The following FBXO7 variants were observed in gnomAD, a reference collection of about 807,000 sequenced individuals.
The protein encoded by FBXO7 is F-box protein 7.
A neutral mutation model predicts 50.2 loss-of-function variants in FBXO7; 31 were observed. The ratio of observed to expected loss-of-function variants is 0.62; its 90% confidence interval spans 0.46 to 0.83. The LOEUF (loss-of-function observed/expected upper bound fraction) is 0.83. Ranked by LOEUF, FBXO7 falls within the 40% of genes least tolerant of loss-of-function variation. The pLI is 0.00. For synonymous variants in FBXO7, 256 were observed against 253.1 expected (o/e 1.01, Z -0.11); for missense variants, 667 against 646.6 (o/e 1.03, Z -0.34).
chr22:32,487,357 A>G (rs4821066), intron 4 of FBXO7: 113,227 of 179,678 alleles, frequency 0.63, 35,931 homozygotes, highest in East Asian at 0.7. Flanking sequence ...TAATGAACAA[A>G]GGAAGACTCA....
At position 32,490,700 on chromosome 22, in the gene FBXO7, T is replaced by TA. The variant is rs1383398796; in HGVS notation, c.872-383dup. On this transcript the variant is annotated intron_variant, in intron 5 of 8. Coordinates refer to ENST00000266087, the MANE Select transcript of FBXO7 (RefSeq NM_012179.4). ...GTGCTGATACATAGTCATCATGCGA[T>TA]AAATGCTATTAATTTACCAGGTTCT... 46 of 179,196 alleles carry TA rather than the reference T, an allele frequency of 2.6e-4. No homozygotes were observed. The South Asian group carries it at 2.9e-3, about 11-fold the overall frequency. The allele number at this position is 179,196 out of a possible 1,614,324, so 11.1% of individuals were successfully genotyped here.
chr22:32,484,991 G>C, intron 3 of FBXO7, 77 bp from the exon 4 acceptor site: 2 of 1,566,408 alleles, frequency 1.3e-6, no homozygotes, highest in Non-Finnish European at 1.8e-6. Flanking sequence ...AACAAGTTAG[G>C]AGTCTTTTGG....
At chr22:32,476,936 G>A (rs1429979666) in intron 1 of FBXO7, among the ~76,000 whole-genome samples, 1 of 152,010 alleles carries the variant, frequency 6.6e-6, no homozygotes, top group African/African-American at 2.4e-5. Flanking sequence ...TTTATTAAGC[G>A]GACCATGACC....
intron 7 of FBXO7, 125 bp from the exon 8 acceptor site, chr22:32,495,368 G>GC: frequency 2.0e-6 from 1 of 502,766 alleles, no homozygotes. Flanking sequence ...TAAATGGTTA[G>GC]TTTTTTTTTT....
At chr22:32,491,417 G>A in intron 6 of FBXO7, 1 of 450,482 alleles carries the variant, frequency 2.2e-6, no homozygotes. Context: ...TTGTTGATAT[G>A]ATTTCTTTCC....
chr22:32,498,738 T>C lies in FBXO7; in HGVS notation c.*208T>C. ...GTGACAAGGTTGGCCTTGGGAATAG[T>C]TGGCTGCCAATCTCCCTGCTCTTGG... On this transcript the variant is annotated 3_prime_UTR_variant, in exon 9 of 9. Transcript: ENST00000266087. The C allele has an allele frequency of 1.6e-6, 1 of 611,796 alleles. No individual in the cohort carries two copies. The allele number at this position is 611,796 out of a possible 1,614,324, so 37.9% of individuals were successfully genotyped here. A position where few individuals can be genotyped will look rare whatever the true frequency, so the allele number is the denominator to read the frequency against.
At chr22:32,484,764 A>G (rs1370715846) in intron 3 of FBXO7, among the ~76,000 whole-genome samples, 1 of 152,224 alleles carries the variant, frequency 6.6e-6, no homozygotes, top group Non-Finnish European at 1.5e-5. Flanking sequence ...AGTTTTAAAT[A>G]ATCATATGGC....
At chr22:32,482,362 C>T (rs1437870179) in intron 2 of FBXO7, among the ~76,000 whole-genome samples, 1 of 152,200 alleles carries the variant, frequency 6.6e-6, no homozygotes, top group Non-Finnish European at 1.5e-5. Flanking sequence ...TCCATTTCTC[C>T]AACCTTTTAC....
At chr22:32,483,330 T>A (rs6518785) in intron 2 of FBXO7, among the ~76,000 whole-genome samples, 12,133 of 152,300 alleles carry the variant, frequency 0.08, 572 homozygotes, top group Non-Finnish European at 0.1. Context: ...CACCACCTTT[T>A]TTCCTAAGAA....
At position 32,491,512 on chromosome 22, in the gene FBXO7, A is replaced by G. The variant is rs1035314473; in HGVS notation, c.967+331A>G. The G allele has an allele frequency of 5.1e-5, 12 of 236,784 alleles. No individual in the cohort carries two copies. The South Asian group carries it at 6.9e-4, about 14-fold the overall frequency. 14.7% of individuals were successfully genotyped at this position (236,784 alleles called of 1,614,324 possible). A position where few individuals can be genotyped will look rare whatever the true frequency, so the allele number is the denominator to read the frequency against. ...TCTAGCATGAGGTCAGGTACATAAT[A>G]GATGCTCTTTCTCTCTGTGTAGATA... On this transcript the variant is annotated intron_variant, in intron 6 of 8. Transcript: ENST00000266087.
At position 32,475,006 on chromosome 22, in the gene FBXO7, A is replaced by C. The variant is rs1445305869; in HGVS notation, c.4A>C (p.Arg2=). 25 of 1,536,410 alleles carry C rather than the reference A, an allele frequency of 1.6e-5. No individual in the cohort carries two copies. Among genetic ancestry groups the C allele is most frequent in the Non-Finnish European group, 2.1e-5 (24 of 1,144,382 alleles). The part of the protein sequence containing the change: M[R]LRVRLLKRTW... ...CCTCGGGCCGCCTGCCGCCGTCATGAGGCTGCGGGTGCGGCTTCTGAAGCG... is the reference window on the plus strand; with the variant it reads ...CCTCGGGCCGCCTGCCGCCGTCATGCGGCTGCGGGTGCGGCTTCTGAAGCG... Residue 2 remains arginine, a synonymous_variant, in exon 1 of 9, where the codon AGG becomes CGG. Transcript: ENST00000266087.
At chr22:32,485,937 T>C (rs1450366850) in intron 4 of FBXO7, among the ~76,000 whole-genome samples, 1 of 152,218 alleles carries the variant, frequency 6.6e-6, no homozygotes, top group Non-Finnish European at 1.5e-5. Context: ...TTGTTCTGTT[T>C]TGTTTTTTGA....
At chr22:32,477,709 C>T (rs1395653665) in intron 1 of FBXO7, among the ~76,000 whole-genome samples, 1 of 152,258 alleles carries the variant, frequency 6.6e-6, no homozygotes, top group Middle Eastern at 3.4e-3. Flanking sequence ...TCTGGTTTTT[C>T]GGAACCATTA....
chr22:32,492,763 G>A (rs553388267), intron 6 of FBXO7: 346 of 280,182 alleles, frequency 1.2e-3, no homozygotes, highest in Non-Finnish European at 2.0e-3. Context: ...TTCTGTAGTT[G>A]AATGAAGAAA....
At chr22:32,479,367 A>G in intron 2 of FBXO7, 92 bp downstream of exon 2, 2 of 1,182,602 alleles carry the variant, frequency 1.7e-6, no homozygotes, top group African/African-American at 1.5e-5. Context: ...GATAATTATC[A>G]TCGATAGATT....
intron 8 of FBXO7, 65 bp from the exon 9 acceptor site, chr22:32,498,079 G>C (rs2057587018): frequency 1.3e-6 from 2 of 1,553,568 alleles, no homozygotes; most frequent in Non-Finnish European, 1.8e-6. Flanking sequence ...AAGCAAATTA[G>C]AACTAAAGGG....
At chr22:32,493,427 C>T in intron 7 of FBXO7, 146 bp downstream of exon 7, 2 of 713,286 alleles carry the variant, frequency 2.8e-6, no homozygotes, top group Admixed American at 4.4e-5. Context: ...GCTTCATATA[C>T]CTGTGCCTGT....
Position 32,498,797 on chromosome 22 carries a change from T to A in FBXO7, c.*267T>A, listed in dbSNP as rs980923234. 3.9e-6 allele frequency: 2 copies of A among 507,460 alleles called. No homozygotes were observed. Among genetic ancestry groups the A allele is most frequent in the South Asian group, 2.6e-5 (1 of 39,060 alleles). The allele number at this position is 507,460 out of a possible 1,614,324, so 31.4% of individuals were successfully genotyped here. On this transcript the variant is annotated 3_prime_UTR_variant, in exon 9 of 9. Transcript: ENST00000266087. The stretch of plus-strand genomic sequence containing the variant: ...TAGATTGAAGTTTGTTTTCTGATGC[T>A]GTTCTTACCAGATTAAAAAAAAGTG...
intron 7 of FBXO7, among the ~76,000 whole-genome samples, chr22:32,494,219 T>C (rs2057557698): frequency 6.6e-6 from 1 of 152,166 alleles, no homozygotes; most frequent in Non-Finnish European, 1.5e-5. Context: ...GTTTGTTCCT[T>C]TTCTTCTTCT....
Sources: gnomAD v4.1 joint callset for allele counts (sites outside exome capture counted in the v4.1 genomes callset) on GRCh38, gnomAD v4.1.1 for gene constraint, MANE v1.5 for transcripts, NCBI Gene and HGNC (gene_info 2026-07-23, HGNC 2026-07-21) for gene names.